DOCK9: variants seen among roughly 807,000 people sequenced by gnomAD.
DOCK9 encodes the protein dedicator of cytokinesis protein 9.
DOCK9 carries 89 observed loss-of-function variants against 263.3 expected under a neutral mutation model. The ratio of observed to expected loss-of-function variants is 0.34; its 90% CI spans 0.28 to 0.40. The LOEUF is 0.40. Ranked by LOEUF, DOCK9 falls within the 10% of genes least tolerant of loss-of-function variation. DOCK9 has a pLI of 1.00. For missense variants in DOCK9, 2,140 were observed against 2,603.4 expected (o/e 0.82, Z 3.87); for synonymous variants, 976 against 973.1 (o/e 1.00, Z -0.06).
At chr13:98,860,092 T>A in intron 33 of DOCK9, 20 of 833,000 alleles carry the variant, frequency 2.4e-5, no homozygotes, top group East Asian at 4.4e-5. Context: ...CCTGCAAAAA[T>A]ATCCCTTAAC....
At chr13:98,881,014 T>C (rs1203369936) in intron 25 of DOCK9, among the ~76,000 whole-genome samples, 3 of 152,218 alleles carry the variant, frequency 2.0e-5, no homozygotes, top group African/African-American at 7.2e-5. Context: ...ATAGTTGTAA[T>C]TTACAAAGGT....
intron 45 of DOCK9, among the ~76,000 whole-genome samples, chr13:98,817,485 G>T (rs1224155358): frequency 4.9e-5 from 6 of 123,464 alleles, no homozygotes; most frequent in Admixed American, 1.9e-4. Flanking sequence ...TAGGGATAGG[G>T]TCTCACTATG....
rs118094155 is a variant in DOCK9, at chr13:99,065,752, A to C, written c.129+20471T>G. ...TAACTCTCCAATGATACAATCTTCT[A>C]TTAGGTATACATGAAGCTCATTTTG... On this transcript the variant is annotated intron_variant, in intron 1 of 32. Transcript: ENST00000427887. Among the ~76,000 whole-genome samples the C allele has an allele frequency of 4.5e-3, 690 of 152,260 alleles. 4 individuals are homozygous for C. The highest frequency in any genetic ancestry group is 0.037 in the Middle Eastern group (11 of 294).
At chr13:98,848,406 C>T (rs773474353) in intron 37 of DOCK9, among the ~76,000 whole-genome samples, 186 bp downstream of exon 37, 25 of 152,130 alleles carry the variant, frequency 1.6e-4, no homozygotes, top group Admixed American at 1.3e-4. Context: ...AATGAGACTT[C>T]GCCGGTAGGA....
At chr13:99,081,529 GA>G (rs1431376956) in intron 1 of DOCK9, among the ~76,000 whole-genome samples, 1 of 152,248 alleles carries the variant, frequency 6.6e-6, no homozygotes, top group Admixed American at 6.5e-5. Flanking sequence ...CGGGCAGCCA[GA>G]AGACTTGTAT....
chr13:98,960,912 T>G (rs546048226), intron 1 of DOCK9, among the ~76,000 whole-genome samples: 1 of 152,332 alleles, frequency 6.6e-6, no homozygotes, highest in South Asian at 2.1e-4. Flanking sequence ...TACAGACCCC[T>G]TTGAGAGCCT....
chr13:98,918,104 A>C (rs2051208681), intron 7 of DOCK9, among the ~76,000 whole-genome samples: 1 of 152,362 alleles, frequency 6.6e-6, no homozygotes, highest in East Asian at 1.9e-4. Context: ...GACAAAATAC[A>C]TGAAATAACT....
chr13:98,809,453 G>C lies in DOCK9; in HGVS notation c.5266C>G (p.Leu1756Val). ...TAGGCCCGGTGCAGCGTGTCATACA[G>C]ATGGGCCAGCCTCTGGAAAGCAGAA... ...KRRDFERLAH[L>V]YDTLHRAYSK... is the part of the protein sequence containing the mutation. Residue 1756 changes from leucine to valine, a missense_variant, in exon 47 of 53, where the codon CTG becomes GTG. Transcript: ENST00000682017. The C allele has an allele frequency of 3.1e-6, 5 of 1,603,466 alleles. No homozygotes were observed. Among genetic ancestry groups the C allele is most frequent in the Non-Finnish European group, 4.2e-6 (5 of 1,176,518 alleles).
chr13:99,054,592 G>A (rs1385077686), intron 1 of DOCK9, among the ~76,000 whole-genome samples: 2 of 152,210 alleles, frequency 1.3e-5, no homozygotes. Flanking sequence ...CAAGCAAGAG[G>A]GAAGGCATAA....
intron 1 of DOCK9, among the ~76,000 whole-genome samples, chr13:99,043,278 A>C (rs967687255): frequency 6.6e-5 from 10 of 152,252 alleles, no homozygotes; most frequent in African/African-American, 2.4e-4. Context: ...AGATATCATC[A>C]GTCTATTCCT....
chr13:98,926,541 C>A (rs2052997312), intron 3 of DOCK9, among the ~76,000 whole-genome samples: 1 of 152,242 alleles, frequency 6.6e-6, no homozygotes, highest in Non-Finnish European at 1.5e-5. Flanking sequence ...CCTACACAGA[C>A]TGCATTCAAA....
intron 23 of DOCK9, among the ~76,000 whole-genome samples, chr13:98,882,695 G>A (rs551502340): frequency 3.9e-5 from 6 of 152,174 alleles, no homozygotes; most frequent in Admixed American, 6.5e-5. Context: ...CTCCTACAAT[G>A]AACTAGAAGT....
chr13:98,942,528 G>A (rs574836682), intron 2 of DOCK9, among the ~76,000 whole-genome samples: 101 of 152,250 alleles, frequency 6.6e-4, no homozygotes, highest in South Asian at 1.7e-3. Flanking sequence ...GTGAGCCACC[G>A]CGCCCAGCTG....
chr13:98,809,139 T>C (rs2091030004), intron 47 of DOCK9: 3 of 1,543,168 alleles, frequency 1.9e-6, no homozygotes, highest in Admixed American at 2.0e-5. Context: ...CTTAAGAAAG[T>C]AATAAAGAAA....
At chr13:98,813,584 T>G (rs112951774) in intron 45 of DOCK9, among the ~76,000 whole-genome samples, 76 of 152,226 alleles carry the variant, frequency 5.0e-4, no homozygotes, top group African/African-American at 1.8e-3. Context: ...TCATGATGCA[T>G]TTCTCTGTTT....
At chr13:98,810,027 C>A (rs1408231024) in intron 46 of DOCK9, 142 bp downstream of exon 46, 26 of 1,201,774 alleles carry the variant, frequency 2.2e-5, no homozygotes, top group Non-Finnish European at 2.7e-5. Flanking sequence ...TGGCCACCAC[C>A]TTCAGCGTAA....
Position 98,915,216 on chromosome 13 carries a change from C to T in DOCK9, c.892+113G>A, listed in dbSNP as rs1168500404. 2.5e-5 allele frequency: 25 copies of T among 987,606 alleles called. No homozygotes were observed. In the African/African-American group the frequency reaches 3.0e-4, roughly 12 times the overall value. 61.2% of individuals were successfully genotyped at this position (987,606 alleles called of 1,614,324 possible). ...AGGATATTTGTAAAGAGCTCCTATCCGTCCCACCTCTCATGTACTTGTGTA... is the reference window on the plus strand; with the variant it reads ...AGGATATTTGTAAAGAGCTCCTATCTGTCCCACCTCTCATGTACTTGTGTA... On this transcript the variant is annotated intron_variant, in intron 8 of 52. Coordinates refer to ENST00000682017, the MANE Select transcript of DOCK9 (RefSeq NM_001366683.2).
intron 45 of DOCK9, 89 bp from the exon 46 acceptor site, chr13:98,810,380 GC>G: frequency 1.3e-6 from 2 of 1,509,898 alleles, no homozygotes; most frequent in Non-Finnish European, 1.8e-6. Flanking sequence ...TGCTAAGACT[GC>G]CAGGAGGAAT....
At position 99,075,682 on chromosome 13, in the gene DOCK9, C is replaced by CT. The variant is rs5806093; in HGVS notation, c.129+10540dup. Among the ~76,000 whole-genome samples, 339 of 148,708 alleles carry CT rather than the reference C, an allele frequency of 2.3e-3. 5 individuals carry two copies. The highest frequency in any genetic ancestry group is 7.7e-3 in the East Asian group (39 of 5,086). On this transcript the variant is annotated intron_variant, in intron 1 of 32. Transcript: ENST00000427887. ...ACCCAGACAATGGCACTATTTATAA[C>CT]TTTTTTTTTTTTTTAACTTAGCATG...
Sources: allele counts gnomAD v4.1 joint callset (sites outside exome capture counted in the v4.1 genomes callset), GRCh38; gene constraint gnomAD v4.1.1; transcripts MANE v1.5; gene names NCBI Gene and HGNC (gene_info 2026-07-23, HGNC 2026-07-21).